The following SSX3 variants were observed in gnomAD, a reference collection of about 807,000 sequenced individuals.
SSX3 encodes protein SSX3.
Under a neutral mutation model 14.8 loss-of-function variants are expected in SSX3, and 6 were observed. The observed-to-expected ratio is 0.41, with a 90% CI of 0.22 to 0.80. The LOEUF is 0.80. Among genes scored for constraint, SSX3 ranks in the 30% least tolerant of loss-of-function variants. SSX3 has a pLI of 0.34. For missense variants in SSX3, 163 were observed against 152.2 expected, an observed-to-expected ratio of 1.07 and a Z score of -0.37; for synonymous variants, 55 against 52.9, an observed-to-expected ratio of 1.04 and a Z score of -0.18.
rs140614839 is a variant in SSX3 at position 48,352,129 on chromosome X, A to G, written c.301T>C (p.Phe101Leu). ...GGGAAGATTCCCTGGAGCCTGCCGA[A>G]AGTCATCTGAGGACGTTGAACTGAA... ...GNQVQRPQMT[F>L]GRLQGIFPKI... Residue 101 changes from phenylalanine (F) to leucine (L), a missense_variant, in exon 5 of 8, where the codon TTC becomes CTC. Coordinates refer to ENST00000298396, the MANE Select transcript of SSX3 (RefSeq NM_021014.4). The G allele has an allele frequency of 9.1e-6, 11 of 1,208,570 alleles. No individual in the cohort carries two copies. The African/African-American group carries it at 1.9e-4, about 21-fold the overall frequency.
intron 6 of SSX3, chrX:48,349,684 G>A: frequency 6.0e-6 from 7 of 1,163,457 alleles, no homozygotes; most frequent in Non-Finnish European, 8.0e-6. Flanking sequence ...AGGCCTTCTA[G>A]ATTAAATTTA....
chrX:48,350,272 G>A (rs1405678907), intron 5 of SSX3, 150 bp from the exon 6 acceptor site: 2 of 906,060 alleles, frequency 2.2e-6, no homozygotes, highest in South Asian at 5.0e-5. Context: ...AGAAACCTGG[G>A]AGGGGAGGTT....
chrX:48,349,979 C>T lies in SSX3; in HGVS notation c.466+8G>A. On this transcript the variant is annotated splice_region_variant and intron_variant, in intron 6 of 7. Coordinates refer to ENST00000298396, the MANE Select transcript of SSX3 (RefSeq NM_021014.4). ...CAGTGGGATTGTTCCTGAATTGCTT[C>T]CTCTTACCAGATATCATGTTAATCT... The T allele has an allele frequency of 1.7e-6, 2 of 1,211,258 alleles. No homozygotes were observed. Among genetic ancestry groups the T allele is most frequent in the Non-Finnish European group, 2.2e-6 (2 of 895,413 alleles).
At chrX:48,348,341 C>T in intron 6 of SSX3, 3 of 514,615 alleles carry the variant, frequency 5.8e-6, no homozygotes, top group South Asian at 5.0e-5. Flanking sequence ...CCAGGAACTG[C>T]ACCCATAGAA....
chrX:48,347,710 G>T (rs1429418240), intron 6 of SSX3, 106 bp from the exon 7 acceptor site: 28 of 1,163,617 alleles, frequency 2.4e-5, no homozygotes, highest in Non-Finnish European at 3.3e-5. Flanking sequence ...GTGCCCATGG[G>T]CCTTCTTTAT....
At chrX:48,355,449 G>A (rs1477134958) in intron 1 of SSX3, among the ~76,000 whole-genome samples, 180 bp from the exon 2 acceptor site, 1 of 111,199 alleles carries the variant, frequency 9.0e-6, no homozygotes, top group Non-Finnish European at 1.9e-5. Context: ...GGAACCAGGG[G>A]TCTCTGGGAG....
At chrX:48,356,352 A>G (rs1437467776) in intron 1 of SSX3, among the ~76,000 whole-genome samples, 2 of 110,463 alleles carry the variant, frequency 1.8e-5, no homozygotes, top group Admixed American at 9.7e-5. Context: ...GGGTTCAGGC[A>G]ATCCACCAGC....
chrX:48,356,514 G>T (rs1401656761), intron 1 of SSX3, 120 bp downstream of exon 1: 1 of 111,222 alleles, frequency 9.0e-6, no homozygotes, highest in African/African-American at 3.3e-5. Context: ...GAAACTGACA[G>T]GAAAGATTTA....
Position 48,348,500 on chromosome X carries a change from G to A in SSX3, c.467-896C>T, listed in dbSNP as rs782496454. On this transcript the variant is annotated intron_variant, in intron 6 of 7. Coordinates refer to ENST00000298396, the MANE Select transcript of SSX3 (RefSeq NM_021014.4). ...GATTATTAACAACCTTACAATGGCC[G>A]TTAAGTGTTCAAATGAAAGGAAGAG... is the stretch of plus-strand genomic sequence containing the variant. 1.4e-4 allele frequency: 67 copies of A among 494,993 alleles called. 1 individual carries two copies. The highest frequency in any genetic ancestry group is 5.2e-4 in the South Asian group (19 of 36,750). The allele number at this position is 494,993 out of a possible 1,213,427, so 40.8% of individuals were successfully genotyped here.
At chrX:48,354,431 G>A (rs1465155098) in intron 3 of SSX3, among the ~76,000 whole-genome samples, 5 of 109,677 alleles carry the variant, frequency 4.6e-5, no homozygotes, top group African/African-American at 1.7e-4. Flanking sequence ...GCAGGATCCA[G>A]GTATGAGCTC....
intron 6 of SSX3, chrX:48,348,594 C>T (rs1569460846): frequency 2.4e-6 from 1 of 418,020 alleles, no homozygotes; most frequent in Non-Finnish European, 4.3e-6. Flanking sequence ...TGCTGAAAGC[C>T]AAGACAGGCT....
chrX:48,350,204 C>G, intron 5 of SSX3, 82 bp from the exon 6 acceptor site: 1 of 1,157,480 alleles, frequency 8.6e-7, no homozygotes, highest in East Asian at 3.0e-5. Context: ...TCTTCACATG[C>G]ATTAGCTTAT....
In SSX3 at chrX:48,349,454, T is replaced by C. The variant is rs7888765; in HGVS notation, c.466+533A>G. 9,650 of 1,051,738 alleles carry C rather than the reference T, an allele frequency of 9.2e-3. 582 individuals are homozygous for C. In the African/African-American group the frequency reaches 0.16, roughly 18 times the overall value. 86.7% of individuals were successfully genotyped at this position (1,051,738 alleles called of 1,213,427 possible). A position where few individuals can be genotyped will look rare whatever the true frequency, so the allele number is the denominator to read the frequency against. ...AAGGTATATACATTTTTAGACATAATGCTATTGCACACTTAGTAGACTACA... is the reference window on the plus strand; with the variant it reads ...AAGGTATATACATTTTTAGACATAACGCTATTGCACACTTAGTAGACTACA... On this transcript the variant is annotated intron_variant, in intron 6 of 7. Transcript: ENST00000298396.
In SSX3 at chrX:48,352,104, G is replaced by A. The variant is rs781917236; in HGVS notation, c.326C>T (p.Pro109Leu). The A allele has an allele frequency of 3.3e-6, 4 of 1,209,055 alleles. No individual in the cohort carries two copies. In the South Asian group the frequency reaches 7.0e-5, roughly 21 times the overall value. ...TTAGATCTGAAAGATACTCACCTTC[G>A]GGAAGATTCCCTGGAGCCTGCCGAA... is the stretch of plus-strand genomic sequence containing the variant. ...MTFGRLQGIF[P>L]KIMPKKPAEE... Residue 109 changes from proline to leucine, a missense_variant, in exon 5 of 8, where the codon CCG becomes CTG. By Grantham distance (98) the Pro-to-Leu change is moderately conservative. Coordinates refer to ENST00000298396, the MANE Select transcript of SSX3 (RefSeq NM_021014.4).
intron 6 of SSX3, chrX:48,349,399 G>A: frequency 1.3e-6 from 1 of 787,448 alleles, no homozygotes; most frequent in Non-Finnish European, 1.7e-6. Context: ...AAGATTGTTA[G>A]CATTTTTAAC....
intron 1 of SSX3, among the ~76,000 whole-genome samples, chrX:48,355,566 T>G (rs1435351795): frequency 6.3e-5 from 7 of 110,718 alleles, no homozygotes; most frequent in Non-Finnish European, 1.3e-4. Context: ...AGGCTTCCCC[T>G]GAAAGATGTA....
intron 5 of SSX3, among the ~76,000 whole-genome samples, chrX:48,351,161 A>T (rs782051806): frequency 8.9e-6 from 1 of 112,099 alleles, no homozygotes; most frequent in East Asian, 2.8e-4. Context: ...GAGCTTGTAA[A>T]CACTCTTTAA....
chrX:48,350,107 G>T lies in SSX3; in HGVS notation c.346C>A (p.Pro116Thr), dbSNP rs1556949329. The T allele has an allele frequency of 2.5e-6, 3 of 1,209,769 alleles. No homozygotes were observed. The highest frequency in any genetic ancestry group is 3.4e-6 in the Non-Finnish European group (3 of 895,172). The change falls in exon 6 of 8, where the codon CCA becomes ACA. Residue 116 changes from proline to threonine, a missense_variant. Coordinates refer to ENST00000298396, the MANE Select transcript of SSX3 (RefSeq NM_021014.4). ...GIFPKIMPKK[P>T]AEEGNVSKEV... ...TTCGAAACATTTCCTTCCTCTGCTG[G>T]CTTCTTGGGCATGATCTTTATAATG...
At chrX:48,353,955 T>C (rs372986930) in intron 4 of SSX3, 44 bp downstream of exon 4, 151 of 1,153,264 alleles carry the variant, frequency 1.3e-4, no homozygotes, top group South Asian at 2.0e-4. Flanking sequence ...TGAAAAGCAA[T>C]TGGGCTTGAG....
Sources: allele counts gnomAD v4.1 joint callset (sites outside exome capture counted in the v4.1 genomes callset), GRCh38; gene constraint gnomAD v4.1.1; transcripts MANE v1.5; gene names NCBI Gene and HGNC (gene_info 2026-07-23, HGNC 2026-07-21).